The following SYCP1 variants were observed in gnomAD, a reference collection of about 807,000 sequenced individuals.
The protein encoded by SYCP1 is synaptonemal complex protein 1, also known as cancer/testis antigen 8.
A neutral mutation model predicts 153.1 loss-of-function variants in SYCP1; 64 were observed. The ratio of observed to expected loss-of-function variants is 0.42; its 90% CI spans 0.34 to 0.51. The LOEUF is 0.51. SYCP1 is among the 20% of genes least tolerant of loss of function. SYCP1 has a pLI of 0.06. For missense variants in SYCP1, 997 were observed against 1,049.0 expected, an observed-to-expected ratio of 0.95 and a Z score of 0.68; for synonymous variants, 384 against 341.8, an observed-to-expected ratio of 1.12 and a Z score of -1.36.
In SYCP1 at chr1:114,984,817, G is replaced by T; in HGVS notation, c.2652G>T (p.Met884Ile). The change falls in exon 30 of 32, where the codon ATG becomes ATT. Residue 884 changes from methionine to isoleucine, a missense_variant. Met to Ile is a conservative substitution (Grantham distance 10, BLOSUM62 1). Transcript: ENST00000369522. ...PIEESKKKRK[M>I]AFEFDINSDS... ...AAGAAAGTAAAAAAAAGAGAAAAAT[G>T]GCCTTTGAATTTGATATTAATTCAG... 6.7e-7 allele frequency: 1 copy of T among 1,499,798 alleles called. No individual in the cohort carries two copies. The highest frequency in any genetic ancestry group is 8.9e-7 in the Non-Finnish European group (1 of 1,120,960). The allele number at this position is 1,499,798 out of a possible 1,614,324, so 92.9% of individuals were successfully genotyped here.
At chr1:114,916,932 ATG>A (rs1252443204) in intron 20 of SYCP1, among the ~76,000 whole-genome samples, 2 of 152,098 alleles carry the variant, frequency 1.3e-5, no homozygotes, top group Non-Finnish European at 2.9e-5. Flanking sequence ...CAGGCATACA[ATG>A]TGTAATAATC....
Position 114,878,183 on chromosome 1 carries a change from T to C in SYCP1, c.891T>C (p.Asn297=). Residue 297 remains asparagine (N), a synonymous_variant, in exon 12 of 32, where the codon AAT becomes AAC. Transcript: ENST00000369522. ...TAGAGGAATCCAGAGATAAAGTTAATCAATTAGAGGAAAAGACAAGTAAGA... is the reference window on the plus strand; with the variant it reads ...TAGAGGAATCCAGAGATAAAGTTAACCAATTAGAGGAAAAGACAAGTAAGA... The part of the protein sequence containing the change: ...FLLEESRDKV[N]QLEEKTKLQS... 6.4e-7 allele frequency: 1 copy of C among 1,557,346 alleles called. No individual in the cohort carries two copies. The highest frequency in any genetic ancestry group is 1.4e-5 in the African/African-American group (1 of 73,032).
chr1:114,972,317 G>C (rs1186216390), intron 27 of SYCP1, among the ~76,000 whole-genome samples: 1 of 149,250 alleles, frequency 6.7e-6, no homozygotes, highest in East Asian at 2.0e-4. Flanking sequence ...TTTTTCCTTA[G>C]TCTGCCTGGC....
chr1:114,938,277 C>G (rs1047060378), intron 23 of SYCP1, among the ~76,000 whole-genome samples: 1 of 151,962 alleles, frequency 6.6e-6, no homozygotes, highest in Non-Finnish European at 1.5e-5. Context: ...AACCATCATT[C>G]TGAGCAAACT....
chr1:114,923,046 G>T lies in SYCP1; in HGVS notation c.1719-403G>T, dbSNP rs116412561. ...CACATTCAGGGAACACTGCTGCAAA[G>T]GGTGGACTCCTAAGGCCTTGGGCAG... On this transcript the variant is annotated intron_variant, in intron 20 of 31. Transcript: ENST00000369522. Among the ~76,000 whole-genome samples the T allele has an allele frequency of 2.5e-3, 388 of 152,282 alleles. 2 individuals carry two copies. The highest frequency in any genetic ancestry group is 9.0e-3 in the African/African-American group (376 of 41,580).
chr1:114,868,112 T>C (rs776083664), intron 8 of SYCP1, among the ~76,000 whole-genome samples: 18 of 151,940 alleles, frequency 1.2e-4, no homozygotes, highest in Admixed American at 1.2e-3. Context: ...TTTGGTTGTG[T>C]TGTATAATTT....
chr1:114,855,634 T>C (rs1177917934), intron 2 of SYCP1, 62 bp downstream of exon 2: 3 of 1,289,484 alleles, frequency 2.3e-6, no homozygotes, highest in Non-Finnish European at 3.3e-6. Flanking sequence ...AAGAAAAGTG[T>C]ACTTTCTTCC....
intron 30 of SYCP1, among the ~76,000 whole-genome samples, chr1:114,986,656 G>A (rs1285508563): frequency 6.6e-6 from 1 of 151,858 alleles, no homozygotes; most frequent in Non-Finnish European, 1.5e-5. Flanking sequence ...GTTAAATTTT[G>A]AACATTCAAA....
intron 16 of SYCP1, among the ~76,000 whole-genome samples, chr1:114,908,449 T>C (rs1667962092): frequency 6.6e-6 from 1 of 152,180 alleles, no homozygotes; most frequent in Admixed American, 6.5e-5. Context: ...TTTTCTGCCC[T>C]ATTTTTGCTG....
intron 27 of SYCP1, among the ~76,000 whole-genome samples, chr1:114,953,203 G>T (rs1395729137): frequency 6.6e-6 from 1 of 152,198 alleles, no homozygotes; most frequent in African/African-American, 2.4e-5. Flanking sequence ...GAGTTTTGGA[G>T]GGTACAAACA....
chr1:114,939,060 T>C (rs1377385736), intron 23 of SYCP1, among the ~76,000 whole-genome samples: 1 of 152,162 alleles, frequency 6.6e-6, no homozygotes, highest in South Asian at 2.1e-4. Flanking sequence ...CTTCTAGATA[T>C]ATACCTAAAA....
chr1:114,931,349 C>A (rs1220634042), intron 23 of SYCP1, among the ~76,000 whole-genome samples: 1 of 152,028 alleles, frequency 6.6e-6, no homozygotes, highest in Non-Finnish European at 1.5e-5. Context: ...AAGGTTTCTA[C>A]AAAGTCACTA....
intron 27 of SYCP1, among the ~76,000 whole-genome samples, chr1:114,956,832 T>C (rs779413000): frequency 3.4e-5 from 5 of 147,616 alleles, no homozygotes; most frequent in Non-Finnish European, 6.0e-5. Context: ...CCAGACTTCT[T>C]AGAATCACTA....
At chr1:114,856,436 A>G (rs1292234025) in intron 2 of SYCP1, 137 bp from the exon 3 acceptor site, 1 of 469,974 alleles carries the variant, frequency 2.1e-6, no homozygotes, top group Admixed American at 4.1e-5. Flanking sequence ...GATATTTTAA[A>G]CACTGTATGT....
In SYCP1 at chr1:114,911,580, G is replaced by A; in HGVS notation, c.1527G>A (p.Glu509=). Residue 509 remains glutamate, a splice_region_variant and synonymous_variant, in exon 18 of 32, where the codon GAG becomes GAA. Transcript: ENST00000369522. The part of the protein sequence containing the change: ...VKDLKTELEN[E]KLKNTELTSH... The stretch of plus-strand genomic sequence containing the variant: ...ATCTAAAAACTGAGCTTGAAAACGA[G>A]AAGTATGTTTTCCATTTATCTAAAA... The A allele has an allele frequency of 1.4e-6, 2 of 1,477,490 alleles. No individual in the cohort carries two copies. Among genetic ancestry groups the A allele is most frequent in the Non-Finnish European group, 1.8e-6 (2 of 1,110,534 alleles). The allele number at this position is 1,477,490 out of a possible 1,614,324, so 91.5% of individuals were successfully genotyped here. A position where few individuals can be genotyped will look rare whatever the true frequency, so the allele number is the denominator to read the frequency against.
At chr1:114,965,696 G>A (rs1672074251) in intron 27 of SYCP1, among the ~76,000 whole-genome samples, 1 of 151,290 alleles carries the variant, frequency 6.6e-6, no homozygotes, top group Non-Finnish European at 1.5e-5. Context: ...TTGCATCCCA[G>A]GAATTGATCG....
intron 12 of SYCP1, among the ~76,000 whole-genome samples, chr1:114,879,645 G>T (rs1665781929): frequency 6.6e-6 from 1 of 152,120 alleles, no homozygotes; most frequent in Non-Finnish European, 1.5e-5. Flanking sequence ...TCAATAGTTG[G>T]ATGAATGAAA....
At chr1:114,854,320 G>T (rs538276807), upstream of SYCP1, among the ~76,000 whole-genome samples, 1 of 152,208 alleles carries the variant, frequency 6.6e-6, no homozygotes, top group South Asian at 2.1e-4. Context: ...TTTTAGGAGA[G>T]GCAGGGTCTC....
At chr1:114,926,663 CCA>C in intron 23 of SYCP1, 100 bp downstream of exon 23, 2 of 990,200 alleles carry the variant, frequency 2.0e-6, no homozygotes, top group Non-Finnish European at 2.9e-6. Flanking sequence ...TCAATTTATA[CCA>C]TAACAGTATC....
Sources: allele counts gnomAD v4.1 joint callset (sites outside exome capture counted in the v4.1 genomes callset), GRCh38; gene constraint gnomAD v4.1.1; transcripts MANE v1.5; gene names NCBI Gene and HGNC (gene_info 2026-07-23, HGNC 2026-07-21).